Variants in CLMP observed in about 807,000 individuals in gnomAD.
The protein encoded by CLMP is CXADR like cell adhesion molecule.
CLMP carries 27 observed loss-of-function variants against 45.2 expected under a neutral mutation model. The ratio of observed to expected loss-of-function variants is 0.60; its 90% CI spans 0.44 to 0.82. The LOEUF (loss-of-function observed/expected upper bound fraction) is 0.82, where lower values mean the gene tolerates loss of function less well. Among genes scored for constraint, CLMP ranks in the 40% least tolerant of loss-of-function variants. CLMP has a pLI of 0.00. For missense variants in CLMP, 403 were observed against 448.4 expected, an observed-to-expected ratio of 0.90 and a Z score of 0.91; for synonymous variants, 167 against 171.4, an observed-to-expected ratio of 0.97 and a Z score of 0.20.
intron 1 of CLMP, among the ~76,000 whole-genome samples, chr11:123,098,701 AT>A (rs1156546713): frequency 0.22 from 25,042 of 112,606 alleles, 2,087 homozygotes; most frequent in South Asian, 0.26. Flanking sequence ...ATCCTGGCTA[AT>A]TTTTTTTTTT....
chr11:123,090,223 A>C (rs1290260281), intron 2 of CLMP, among the ~76,000 whole-genome samples: 1 of 151,230 alleles, frequency 6.6e-6, no homozygotes, highest in Admixed American at 6.6e-5. Flanking sequence ...AGGTGGGTGG[A>C]TCACGAGGTC....
At chr11:123,089,773 T>C (rs1177491124) in intron 2 of CLMP, among the ~76,000 whole-genome samples, 1 of 87,144 alleles carries the variant, frequency 1.1e-5, no homozygotes, top group East Asian at 4.3e-4. Flanking sequence ...CGAGTCTCCA[T>C]CTCAAAAAAA....
At chr11:123,090,656 C>A (rs1228366626) in intron 2 of CLMP, among the ~76,000 whole-genome samples, 1 of 152,054 alleles carries the variant, frequency 6.6e-6, no homozygotes, top group African/African-American at 2.4e-5. Context: ...TTTTTATTAG[C>A]CTGGTTCTGG....
chr11:123,165,340 C>G (rs551363038), intron 1 of CLMP, among the ~76,000 whole-genome samples: 1 of 152,312 alleles, frequency 6.6e-6, no homozygotes, highest in African/African-American at 2.4e-5. Flanking sequence ...TTTACTTGAC[C>G]TATTACAACT....
intron 4 of CLMP, 103 bp downstream of exon 4, chr11:123,083,577 G>T: frequency 2.6e-6 from 3 of 1,156,086 alleles, no homozygotes; most frequent in South Asian, 1.2e-5. Context: ...AGGTTCAGCA[G>T]GGTATTTCAG....
intron 1 of CLMP, among the ~76,000 whole-genome samples, chr11:123,119,438 T>C (rs1860781615): frequency 1.3e-5 from 2 of 152,166 alleles, no homozygotes; most frequent in Admixed American, 1.3e-4. Flanking sequence ...GCCTTTCCTG[T>C]AGACCTGGTG....
chr11:123,130,645 G>C (rs11603215), intron 1 of CLMP, among the ~76,000 whole-genome samples: 28,575 of 151,988 alleles, frequency 0.19, 2,748 homozygotes, highest in Non-Finnish European at 0.2. Context: ...ACATGCCAGG[G>C]AATGGACAGC....
At position 123,073,619 on chromosome 11, in the gene CLMP, G is replaced by C; in HGVS notation, c.977C>G (p.Pro326Arg). Reference sequence around the variant, plus strand: ...GCTGTATGCCTGGGTGGCCAGCCCTGGCTGGGGTGCTGCGTCAGTTGACAG... The same window carrying C: ...GCTGTATGCCTGGGTGGCCAGCCCTCGCTGGGGTGCTGCGTCAGTTGACAG... ...RTLSTDAAPQ[P>R]GLATQAYSLV... Residue 326 changes from proline (P) to arginine (R), a missense_variant, in exon 7 of 7, where the codon CCA (proline) becomes CGA (arginine). Coordinates refer to ENST00000448775, the MANE Select transcript of CLMP (RefSeq NM_024769.5). 1 of 1,614,272 alleles carries C rather than the reference G, an allele frequency of 6.2e-7. No individual in the cohort carries two copies. The highest frequency in any genetic ancestry group is 8.5e-7 in the Non-Finnish European group (1 of 1,180,048).
intron 1 of CLMP, among the ~76,000 whole-genome samples, chr11:123,139,650 C>G (rs575328516): frequency 6.6e-6 from 1 of 151,986 alleles, no homozygotes; most frequent in Non-Finnish European, 1.5e-5. Context: ...CATGGTGAAA[C>G]CTCGTCTCTA....
At chr11:123,158,007 A>G (rs1380736962) in intron 1 of CLMP, among the ~76,000 whole-genome samples, 2 of 152,122 alleles carry the variant, frequency 1.3e-5, no homozygotes, top group Non-Finnish European at 2.9e-5. Flanking sequence ...TCTCTTCTGC[A>G]CAAAACCCCC....
chr11:123,086,590 C>T (rs1366923634), intron 2 of CLMP, among the ~76,000 whole-genome samples: 3 of 152,226 alleles, frequency 2.0e-5, no homozygotes, highest in Admixed American at 6.5e-5. Flanking sequence ...CCAGAAAAAA[C>T]TCACATATTA....
intron 2 of CLMP, among the ~76,000 whole-genome samples, chr11:123,085,136 A>AG (rs1170106422): frequency 1.3e-4 from 20 of 152,072 alleles, no homozygotes; most frequent in African/African-American, 4.8e-4. Context: ...GGGAAGCCAA[A>AG]GGGAAGGTCG....
chr11:123,084,048 C>T (rs917733712), intron 3 of CLMP, among the ~76,000 whole-genome samples: 2 of 152,222 alleles, frequency 1.3e-5, no homozygotes, highest in South Asian at 2.1e-4. Context: ...ATACCCGCAA[C>T]TCCAGTGGTG....
chr11:123,165,696 CA>C (rs1483589987), intron 1 of CLMP, among the ~76,000 whole-genome samples: 1 of 152,158 alleles, frequency 6.6e-6, no homozygotes, highest in African/African-American at 2.4e-5. Context: ...GAGCCAGCTT[CA>C]AAAGCAGTGT....
chr11:123,081,929 A>G (rs2060229884), intron 5 of CLMP, among the ~76,000 whole-genome samples: 1 of 152,110 alleles, frequency 6.6e-6, no homozygotes, highest in Admixed American at 6.6e-5. Context: ...TCCTTTATAG[A>G]TTGGGAAATA....
At chr11:123,175,285 A>G (rs1861683949) in intron 1 of CLMP, among the ~76,000 whole-genome samples, 1 of 150,214 alleles carries the variant, frequency 6.7e-6, no homozygotes, top group African/African-American at 2.5e-5. Context: ...GGGGAAGCAG[A>G]CACCTTCACA....
chr11:123,132,168 A>AT lies in CLMP; in HGVS notation c.29-34217dup, dbSNP rs1000589646. On this transcript the variant is annotated intron_variant, in intron 1 of 6. Transcript: ENST00000448775. ...GCAGAACCTCTGCTCTACAAATAGC[A>AT]TTTTTTTTCTTTTTAGCAAATTGCA... Among the ~76,000 whole-genome samples the AT allele has an allele frequency of 2.2e-4, 34 of 152,140 alleles. 1 individual carries two copies. The highest frequency in any genetic ancestry group is 4.1e-4 in the South Asian group (2 of 4,820).
At chr11:123,087,638 T>C (rs1591452219) in intron 2 of CLMP, among the ~76,000 whole-genome samples, 4 of 152,016 alleles carry the variant, frequency 2.6e-5, no homozygotes, top group East Asian at 2.0e-4. Context: ...CTGGCCAATA[T>C]GGTGAAACCC....
chr11:123,076,476 A>C (rs1208480769), intron 5 of CLMP, among the ~76,000 whole-genome samples: 1 of 152,204 alleles, frequency 6.6e-6, no homozygotes, highest in African/African-American at 2.4e-5. Flanking sequence ...CATGAAGGCA[A>C]AATTGGATGA....
Sources: allele counts gnomAD v4.1 joint callset (sites outside exome capture counted in the v4.1 genomes callset), GRCh38; gene constraint gnomAD v4.1.1; transcripts MANE v1.5; gene names NCBI Gene and HGNC (gene_info 2026-07-23, HGNC 2026-07-21).